Variants in CYP46A1 observed in about 807,000 individuals in gnomAD.
CYP46A1 encodes cytochrome P450 family 46 subfamily A member 1.
CYP46A1 carries 20 observed loss-of-function variants against 63.3 expected under a neutral mutation model. That is an observed-to-expected ratio of 0.32 (90% CI 0.22 to 0.46). The LOEUF is 0.46. CYP46A1 is among the 20% of genes least tolerant of loss of function. CYP46A1 has a pLI of 1.00. For missense variants in CYP46A1, 445 were observed against 670.8 expected (o/e 0.66, Z 3.72); for synonymous variants, 268 against 273.6 (o/e 0.98, Z 0.20).
chr14:99,706,791 G>A lies in CYP46A1; in HGVS notation c.582+6G>A, dbSNP rs763361837. ...CCATGGACATCCTGGCCAAGGTGAT[G>A]GGTGACAGTCGGGCATGGGGGCCAG... On this transcript the variant is annotated splice_donor_region_variant and intron_variant, in intron 6 of 14. Coordinates refer to ENST00000261835, the MANE Select transcript of CYP46A1 (RefSeq NM_006668.2). The A allele has an allele frequency of 6.2e-7, 1 of 1,611,914 alleles. No homozygotes were observed. Among genetic ancestry groups the A allele is most frequent in the South Asian group, 1.1e-5 (1 of 90,984 alleles).
At chr14:99,699,907 C>T in intron 4 of CYP46A1, 108 bp from the exon 5 acceptor site, 1 of 788,760 alleles carries the variant, frequency 1.3e-6, no homozygotes, top group Non-Finnish European at 2.1e-6. Flanking sequence ...GTCGCCACCG[C>T]CTAGCTCCAA....
At position 99,722,085 on chromosome 14, in the gene CYP46A1, G is replaced by T. The variant is rs1407984523; in HGVS notation, c.1176+19G>T. On this transcript the variant is annotated intron_variant, in intron 12 of 14. Transcript: ENST00000261835. This position sits in a 1 kb window ranked among gnomAD's most constrained non-coding sequence, Gnocchi z 4.6. ...GCTCTTGGTGGGTGGAGGCCCTGGG[G>T]GTCCTGGGGTGGGCTGGGCTGCTTG... 1.3e-6 allele frequency: 2 copies of T among 1,592,450 alleles called. No individual in the cohort carries two copies. The highest frequency in any genetic ancestry group is 1.3e-5 in the African/African-American group (1 of 74,568).
At chr14:99,687,944 C>G (rs552885078) in intron 1 of CYP46A1, among the ~76,000 whole-genome samples, 1 of 151,124 alleles carries the variant, frequency 6.6e-6, no homozygotes, top group African/African-American at 2.4e-5. Context: ...GTTCTGTTGT[C>G]GCCTCCCCAG....
chr14:99,699,657 G>C, intron 4 of CYP46A1, 118 bp downstream of exon 4: 1 of 1,087,636 alleles, frequency 9.2e-7, no homozygotes, highest in Non-Finnish European at 1.4e-6. Flanking sequence ...TGGCTGCCAG[G>C]CATGTGATGA....
intron 7 of CYP46A1, chr14:99,710,779 C>T (rs1377814802): frequency 2.0e-5 from 3 of 152,076 alleles, no homozygotes; most frequent in Non-Finnish European, 4.4e-5. Flanking sequence ...AAAATCATCA[C>T]AGAAACATTG....
At chr14:99,705,272 A>C (rs2056665930) in intron 5 of CYP46A1, among the ~76,000 whole-genome samples, 1 of 152,122 alleles carries the variant, frequency 6.6e-6, no homozygotes, top group Non-Finnish European at 1.5e-5. Context: ...CAATGGTGTG[A>C]CCATAGCTTA....
chr14:99,711,892 A>G (rs992541961), intron 7 of CYP46A1: 3 of 152,192 alleles, frequency 2.0e-5, no homozygotes, highest in African/African-American at 7.2e-5. Flanking sequence ...ACAAAATACT[A>G]GCAAACAAAC....
At chr14:99,721,021 C>G (rs760597160) in intron 10 of CYP46A1, among the ~76,000 whole-genome samples, 2 of 151,164 alleles carry the variant, frequency 1.3e-5, no homozygotes, top group Admixed American at 1.3e-4. Flanking sequence ...GGGGGGAGGG[C>G]GGAGGTTGCA....
chr14:99,691,162 G>A lies in CYP46A1; in HGVS notation c.200+1G>A. 1.2e-6 allele frequency: 2 copies of A among 1,614,108 alleles called. No homozygotes were observed. Among genetic ancestry groups the A allele is most frequent in the Non-Finnish European group, 1.7e-6 (2 of 1,180,024 alleles). Reference sequence around the variant, plus strand: ...TGCTCCAAGATGTGTTTTTGGATTGGTGGGTTCTCATTTGTCACTTGTTGC... The same window carrying A: ...TGCTCCAAGATGTGTTTTTGGATTGATGGGTTCTCATTTGTCACTTGTTGC... On this transcript the variant is annotated splice_donor_variant, in intron 2 of 14. Coordinates refer to ENST00000261835, the MANE Select transcript of CYP46A1 (RefSeq NM_006668.2). LOFTEE classifies it high-confidence loss of function.
intron 7 of CYP46A1, chr14:99,709,997 A>G (rs1272043155): frequency 1.3e-5 from 2 of 152,212 alleles, no homozygotes; most frequent in Admixed American, 6.5e-5. Flanking sequence ...TTCCAAACTG[A>G]AAGAGAAATA....
At chr14:99,703,607 G>A in intron 5 of CYP46A1, 3 of 985,322 alleles carry the variant, frequency 3.0e-6, no homozygotes, top group Non-Finnish European at 3.6e-6. Flanking sequence ...GGGAATTCCT[G>A]TTCCTCCTTT....
At chr14:99,698,969 G>C (rs576309325) in intron 3 of CYP46A1, among the ~76,000 whole-genome samples, 1 of 152,302 alleles carries the variant, frequency 6.6e-6, no homozygotes, top group African/African-American at 2.4e-5. Context: ...ACAAGGGCAA[G>C]TCCTTAGCAG....
At chr14:99,685,092 C>T (rs1311292631) in intron 1 of CYP46A1, among the ~76,000 whole-genome samples, 6 of 33,366 alleles carry the variant, frequency 1.8e-4, no homozygotes, top group Non-Finnish European at 3.4e-4. Flanking sequence ...TTGCCAACCC[C>T]CCCCCACCCC....
chr14:99,695,722 C>T (rs997382205), intron 3 of CYP46A1, among the ~76,000 whole-genome samples: 1 of 151,754 alleles, frequency 6.6e-6, no homozygotes, highest in African/African-American at 2.4e-5. Context: ...CCTCCACCTC[C>T]AGGGTTCAAG....
chr14:99,715,558 G>C (rs374381120), intron 7 of CYP46A1, among the ~76,000 whole-genome samples: 4 of 152,108 alleles, frequency 2.6e-5, no homozygotes, highest in African/African-American at 4.8e-5. Flanking sequence ...ACCTTGCAGG[G>C]CCACGTGGAT....
At chr14:99,721,379 C>G (rs991253579) in intron 11 of CYP46A1, 56 bp downstream of exon 11, 7 of 1,187,530 alleles carry the variant, frequency 5.9e-6, no homozygotes, top group African/African-American at 4.5e-5. Flanking sequence ...TGTCATCATG[C>G]CTGCTTCCTC....
intron 3 of CYP46A1, among the ~76,000 whole-genome samples, chr14:99,693,905 A>T (rs1381321438): frequency 1.3e-5 from 2 of 152,322 alleles, no homozygotes; most frequent in East Asian, 3.9e-4. Context: ...ATTGTTGTAC[A>T]TCCATCACCA....
chr14:99,688,434 G>A (rs2056514102), intron 1 of CYP46A1, among the ~76,000 whole-genome samples: 2 of 152,054 alleles, frequency 1.3e-5, no homozygotes, highest in Non-Finnish European at 2.9e-5. Flanking sequence ...AAAGGGAGCA[G>A]CCGGTGAGAG....
Position 99,725,373 on chromosome 14 carries a change from C to A in CYP46A1, c.1177-18C>A. 1 of 1,609,540 alleles carries A rather than the reference C, an allele frequency of 6.2e-7. No individual in the cohort carries two copies. The highest frequency in any genetic ancestry group is 1.1e-5 in the South Asian group (1 of 90,902). ...GAACAACCTGGGAACCAGAGATGAG[C>A]GGACCCTTTGCCCGCAGTTCAGCAC... On this transcript the variant is annotated intron_variant, in intron 12 of 14. Transcript: ENST00000261835. This position sits in a 1 kb window ranked among gnomAD's most constrained non-coding sequence, Gnocchi z 4.2.
Sources: gnomAD v4.1 joint callset for allele counts (sites outside exome capture counted in the v4.1 genomes callset) on GRCh38, gnomAD v4.1.1 for gene constraint, Gnocchi (gnomAD v3.1) non-coding constraint, MANE v1.5 for transcripts, NCBI Gene and HGNC (gene_info 2026-07-23, HGNC 2026-07-21) for gene names.